The following ME1 variants were observed in gnomAD, a reference collection of about 807,000 sequenced individuals.
ME1 encodes the protein malic enzyme 1.
Under a neutral mutation model 66.4 loss-of-function variants are expected in ME1, and 74 were observed. The observed-to-expected ratio is 1.11, with a 90% CI of 0.92 to 1.35. The LOEUF is 1.35. Among genes scored for constraint, ME1 ranks in the 40% most tolerant of loss-of-function variants. The pLI, the probability that ME1 is intolerant of heterozygous loss-of-function variation, is 0.00. For synonymous variants in ME1, 251 were observed against 235.6 expected (o/e 1.07, Z -0.60); for missense variants, 750 against 694.1 (o/e 1.08, Z -0.90).
intron 5 of ME1, among the ~76,000 whole-genome samples, chr6:83,326,400 T>C (rs1224148427): frequency 1.3e-5 from 2 of 152,114 alleles, no homozygotes; most frequent in African/African-American, 4.8e-5. Context: ...GGGATCTAAT[T>C]AAACTAAAGA....
At chr6:83,403,804 T>C (rs1769880194) in intron 2 of ME1, among the ~76,000 whole-genome samples, 2 of 152,218 alleles carry the variant, frequency 1.3e-5, no homozygotes, top group Admixed American at 6.5e-5. Context: ...TTCCAGCTTA[T>C]CGATGTCCCT....
At chr6:83,423,179 G>A (rs187118064) in intron 1 of ME1, among the ~76,000 whole-genome samples, 38 of 147,364 alleles carry the variant, frequency 2.6e-4, no homozygotes, top group Non-Finnish European at 4.2e-4. Context: ...AAGAAAGGGC[G>A]GGAGGAAGAG....
intron 3 of ME1, among the ~76,000 whole-genome samples, chr6:83,366,740 T>G (rs1769107267): frequency 6.6e-6 from 1 of 152,156 alleles, no homozygotes; most frequent in South Asian, 2.1e-4. Flanking sequence ...ATAGCACACA[T>G]AGATGGCTGC....
intron 6 of ME1, among the ~76,000 whole-genome samples, chr6:83,294,263 T>A (rs1767554780): frequency 1.3e-5 from 2 of 152,204 alleles, no homozygotes; most frequent in South Asian, 4.1e-4. Flanking sequence ...AGAAACACTA[T>A]TTCATCCAGA....
At chr6:83,351,646 C>T (rs1768805145) in intron 4 of ME1, among the ~76,000 whole-genome samples, 1 of 152,242 alleles carries the variant, frequency 6.6e-6, no homozygotes, top group Admixed American at 6.5e-5. Flanking sequence ...TTCATTAGCT[C>T]ACTTACAGAG....
chr6:83,292,103 C>T (rs576438308), intron 6 of ME1, among the ~76,000 whole-genome samples: 3 of 152,184 alleles, frequency 2.0e-5, no homozygotes, highest in East Asian at 3.9e-4. Flanking sequence ...TATTATCAAC[C>T]TTCTGAAGCC....
chr6:83,408,587 C>CA (rs1211558264), intron 1 of ME1, among the ~76,000 whole-genome samples: 1 of 152,148 alleles, frequency 6.6e-6, no homozygotes, highest in Non-Finnish European at 1.5e-5. Context: ...TTTACATGAA[C>CA]ATTGATTGTA....
chr6:83,233,607 TC>T (rs1347325074), intron 9 of ME1, among the ~76,000 whole-genome samples: 25 of 152,086 alleles, frequency 1.6e-4, no homozygotes, highest in African/African-American at 6.0e-4. Context: ...ACTTCACAGT[TC>T]ATGTTTGAGT....
intron 5 of ME1, among the ~76,000 whole-genome samples, chr6:83,320,211 A>G (rs1222868526): frequency 6.6e-6 from 1 of 152,202 alleles, no homozygotes; most frequent in African/African-American, 2.4e-5. Context: ...ATAAAACAGT[A>G]ATTGTTTTAA....
chr6:83,342,804 AG>A (rs776380219), intron 5 of ME1, among the ~76,000 whole-genome samples: 83 of 152,246 alleles, frequency 5.5e-4, no homozygotes, highest in African/African-American at 2.0e-3. Context: ...CTCCTGCCTC[AG>A]CCTCCCAAGT....
At position 83,403,410 on chromosome 6, in the gene ME1, T is replaced by A. The variant is rs1347092454; in HGVS notation, c.212+4358A>T. ...AGATTCTGAGCCTGATAAGGACACA[T>A]TCCACATAGACAGCACATTCTCGCT... is the stretch of plus-strand genomic sequence containing the variant. On this transcript the variant is annotated intron_variant, in intron 2 of 13. Transcript: ENST00000369705. Among the ~76,000 whole-genome samples, 5 of 152,168 alleles carry A rather than the reference T, an allele frequency of 3.3e-5. No individual in the cohort carries two copies. In the East Asian group the frequency reaches 9.6e-4, roughly 29 times the overall value.
chr6:83,351,551 A>C (rs1447876850), intron 4 of ME1, among the ~76,000 whole-genome samples: 1 of 152,092 alleles, frequency 6.6e-6, no homozygotes, highest in African/African-American at 2.4e-5. Context: ...TTCCTCAATC[A>C]ATTATTATTA....
At chr6:83,334,103 G>A (rs1469046883) in intron 5 of ME1, among the ~76,000 whole-genome samples, 1 of 152,176 alleles carries the variant, frequency 6.6e-6, no homozygotes. Flanking sequence ...AGGCCAGTGT[G>A]TGCGTGCACC....
chr6:83,363,209 T>C (rs903802980), intron 3 of ME1, among the ~76,000 whole-genome samples: 2 of 152,144 alleles, frequency 1.3e-5, no homozygotes, highest in East Asian at 3.9e-4. Flanking sequence ...TCTGCTGGCC[T>C]AGAGGTCTTA....
intron 12 of ME1, among the ~76,000 whole-genome samples, chr6:83,223,286 G>T (rs193176979): frequency 6.6e-6 from 1 of 151,960 alleles, no homozygotes; most frequent in South Asian, 2.1e-4. Flanking sequence ...CTTGAGTCAG[G>T]GGGGATCACA....
At chr6:83,410,210 A>C (rs1000416635) in intron 1 of ME1, among the ~76,000 whole-genome samples, 3 of 152,192 alleles carry the variant, frequency 2.0e-5, no homozygotes, top group Non-Finnish European at 1.5e-5. Flanking sequence ...AATTTGTTGC[A>C]ATAAAATTTT....
chr6:83,324,292 GCAAA>G, intron 5 of ME1, among the ~76,000 whole-genome samples: 1 of 151,372 alleles, frequency 6.6e-6, no homozygotes, highest in East Asian at 2.0e-4. Flanking sequence ...AGAAGCAAGA[GCAAA>G]CAAATTCAAA....
intron 3 of ME1, among the ~76,000 whole-genome samples, chr6:83,375,154 G>A (rs982130854): frequency 2.0e-5 from 3 of 152,112 alleles, no homozygotes; most frequent in Non-Finnish European, 4.4e-5. Context: ...AGTTTGATGG[G>A]AATAGCATTG....
chr6:83,230,369 TA>T (rs1790281872), intron 9 of ME1, among the ~76,000 whole-genome samples: 1 of 152,106 alleles, frequency 6.6e-6, no homozygotes, highest in Non-Finnish European at 1.5e-5. Context: ...GCTCTGTTTT[TA>T]AAAGCAATAT....
Sources: gnomAD v4.1 joint callset for allele counts (sites outside exome capture counted in the v4.1 genomes callset) on GRCh38, gnomAD v4.1.1 for gene constraint, MANE v1.5 for transcripts, NCBI Gene and HGNC (gene_info 2026-07-23, HGNC 2026-07-21) for gene names.